Variants in PCDHGA11 observed in about 807,000 individuals in gnomAD.
PCDHGA11 encodes the protein protocadherin gamma-A11.
Under a neutral mutation model 60.4 loss-of-function variants are expected in PCDHGA11, and 39 were observed. The observed-to-expected ratio is 0.65, with a 90% confidence interval of 0.50 to 0.84. The LOEUF is 0.84. Among genes scored for constraint, PCDHGA11 ranks in the 40% least tolerant of loss-of-function variants. PCDHGA11 has a pLI of 0.00. For synonymous variants in PCDHGA11, 533 were observed against 510.3 expected, an observed-to-expected ratio of 1.04 and a Z score of -0.60; for missense variants, 1,165 against 1,197.7, an observed-to-expected ratio of 0.97 and a Z score of 0.40.
intron 1 of PCDHGA11, among the ~76,000 whole-genome samples, chr5:141,466,121 CA>C (rs908379481): frequency 4.8e-5 from 7 of 146,852 alleles, no homozygotes; most frequent in Non-Finnish European, 6.0e-5. Context: ...GACTCCAGCT[CA>C]AAAAAAAAAT....
At chr5:141,444,865 G>A (rs1038923777) in intron 1 of PCDHGA11, among the ~76,000 whole-genome samples, 1 of 152,098 alleles carries the variant, frequency 6.6e-6, no homozygotes, top group Non-Finnish European at 1.5e-5. Flanking sequence ...TCTTACTACA[G>A]GACAAAGCTT....
Position 141,510,974 on chromosome 5 carries a change from G to T in PCDHGA11, c.2609G>T (p.Gly870Val). The T allele has an allele frequency of 6.2e-7, 1 of 1,614,150 alleles. No homozygotes were observed. The highest frequency in any genetic ancestry group is 1.1e-5 in the South Asian group (1 of 91,088). ...SEAADGSSTL[G>V]GGAGTMGLSA... ...GCTGCTGATGGGAGCTCCACCCTGG[G>T]AGGGGGTGCCGGCACCATGGGATTG... is the stretch of plus-strand genomic sequence containing the variant. The change falls in exon 4 of 4, where the codon GGA becomes GTA. Residue 870 changes from glycine (G) to valine (V), a missense_variant. Physicochemically the swap from Gly to Val is moderately radical, Grantham distance 109. Transcript: ENST00000398587.
rs1562059777 is a variant in PCDHGA11, at chr5:141,477,098, G to C, written c.2434-17709G>C. 6.2e-7 allele frequency: 1 copy of C among 1,614,242 alleles called. No individual in the cohort carries two copies. Among genetic ancestry groups the C allele is most frequent in the Non-Finnish European group, 8.5e-7 (1 of 1,180,046 alleles). ...GATTTACATCCAGGCCAAAGACAAG[G>C]GCGCCAATCCCGAAGGAGCACATTG... On this transcript the variant is annotated intron_variant, in intron 1 of 3. Transcript: ENST00000398587. This position sits in a 1 kb window ranked among gnomAD's most constrained non-coding sequence, Gnocchi z 4.9.
In PCDHGA11 at chr5:141,486,421, G is replaced by C; in HGVS notation, c.2434-8386G>C. 1 of 1,614,152 alleles carries C rather than the reference G, an allele frequency of 6.2e-7. No individual in the cohort carries two copies. Among genetic ancestry groups the C allele is most frequent in the African/African-American group, 1.3e-5 (1 of 75,028 alleles). On this transcript the variant is annotated intron_variant, in intron 1 of 3. Coordinates refer to ENST00000398587, the MANE Select transcript of PCDHGA11 (RefSeq NM_018914.3). This position sits in a 1 kb window ranked among gnomAD's most constrained non-coding sequence, Gnocchi z 5.0. Reference sequence around the variant, plus strand: ...TGACTGCTGGACCCTTGGATCGAGAGGCCAAATCTAGCTATGACATCATGG... The same window carrying C: ...TGACTGCTGGACCCTTGGATCGAGACGCCAAATCTAGCTATGACATCATGG...
chr5:141,464,824 G>A (rs1329087889), intron 1 of PCDHGA11, among the ~76,000 whole-genome samples: 2 of 151,816 alleles, frequency 1.3e-5, no homozygotes, highest in African/African-American at 2.4e-5. Context: ...CTGTAGCCTC[G>A]CACTCCTGGG....
chr5:141,430,707 C>T, intron 1 of PCDHGA11: 2 of 1,478,562 alleles, frequency 1.4e-6, no homozygotes, highest in Non-Finnish European at 9.0e-7. Flanking sequence ...GGAACTGCTC[C>T]TGACTTCAGT....
rs771162532 is a variant in PCDHGA11, at chr5:141,491,756, C to A, written c.2434-3051C>A. On this transcript the variant is annotated intron_variant, in intron 1 of 3. Transcript: ENST00000398587. The surrounding 1 kb of genome is among the most constrained non-coding windows in gnomAD (Gnocchi z 6.9). ...CCTGGGGGCGGCACTGGAGAAGCCGCCCGTCCTCATAAGGGATTGAACTTG... is the reference window on the plus strand; with the variant it reads ...CCTGGGGGCGGCACTGGAGAAGCCGACCGTCCTCATAAGGGATTGAACTTG... The A allele has an allele frequency of 6.3e-7, 1 of 1,581,720 alleles. No individual in the cohort carries two copies. Among genetic ancestry groups the A allele is most frequent in the Middle Eastern group, 1.7e-4 (1 of 5,958 alleles).
chr5:141,476,727 G>A lies in PCDHGA11; in HGVS notation c.2434-18080G>A, dbSNP rs762236731. On this transcript the variant is annotated intron_variant, in intron 1 of 3. Coordinates refer to ENST00000398587, the MANE Select transcript of PCDHGA11 (RefSeq NM_018914.3). This position sits in a 1 kb window ranked among gnomAD's most constrained non-coding sequence, Gnocchi z 7.6. ...CTGGTGTTGGAGCGCGCCCTGGACC[G>A]AGAACGGGAGCCTAGTCTCCAGTTA... 5 of 1,614,108 alleles carry A rather than the reference G, an allele frequency of 3.1e-6. No individual in the cohort carries two copies. Among genetic ancestry groups the A allele is most frequent in the Non-Finnish European group, 4.2e-6 (5 of 1,180,032 alleles).
At position 141,430,860 on chromosome 5, in the gene PCDHGA11, C is replaced by G. The variant is rs773955533; in HGVS notation, c.2433+7200C>G. ...ACCGGATGCACCCAGATACGCTATTCAGTTCCGGAAGAGCTGGAGAAAGGC... is the reference window on the plus strand; with the variant it reads ...ACCGGATGCACCCAGATACGCTATTGAGTTCCGGAAGAGCTGGAGAAAGGC... On this transcript the variant is annotated intron_variant, in intron 1 of 3. Transcript: ENST00000398587. 4 of 1,592,382 alleles carry G rather than the reference C, an allele frequency of 2.5e-6. No individual in the cohort carries two copies. In the South Asian group the frequency reaches 4.6e-5, roughly 18 times the overall value.
intron 1 of PCDHGA11, chr5:141,428,630 C>T: frequency 5.4e-6 from 1 of 185,692 alleles, no homozygotes; most frequent in Non-Finnish European, 1.1e-5. Context: ...AGCTCTAACT[C>T]TGTTGCTCCT....
Position 141,422,796 on chromosome 5 carries a change from T to C in PCDHGA11, c.1569T>C (p.Tyr523=). Residue 523 remains tyrosine (Y), a synonymous_variant, in exon 1 of 4, where the codon TAT becomes TAC. Transcript: ENST00000398587. ...TCTATGCCCTACAATCCTTCGACTA[T>C]GAGCAGTTTCGAGACTTAGAACTGA... ...GVLYALQSFD[Y]EQFRDLELRV... is the part of the protein sequence containing the mutation. 6.2e-7 allele frequency: 1 copy of C among 1,614,234 alleles called. No individual in the cohort carries two copies. Among genetic ancestry groups the C allele is most frequent in the Middle Eastern group, 1.6e-4 (1 of 6,062 alleles).
intron 1 of PCDHGA11, chr5:141,426,414 G>A (rs2096934345): frequency 3.5e-6 from 1 of 287,986 alleles, no homozygotes; most frequent in Admixed American, 4.4e-5. Context: ...AAACGGTCCA[G>A]GGCTCCGTGG....
chr5:141,427,776 G>A (rs3828681), intron 1 of PCDHGA11: 73,622 of 1,424,156 alleles, frequency 0.052, 2,339 homozygotes, highest in African/African-American at 0.13. Flanking sequence ...GGAGCTGCGG[G>A]CACTGTCGTC....
At position 141,476,418 on chromosome 5, in the gene PCDHGA11, T is replaced by G. The variant is rs201255025; in HGVS notation, c.2434-18389T>G. ...GATCGAGAGGAGCTGTGTGGGACAC[T>G]GCCCTCTTGCACTGTAACTCTGGAG... On this transcript the variant is annotated intron_variant, in intron 1 of 3. Transcript: ENST00000398587. This position sits in a 1 kb window ranked among gnomAD's most constrained non-coding sequence, Gnocchi z 7.6. 8 of 1,614,122 alleles carry G rather than the reference T, an allele frequency of 5.0e-6. No homozygotes were observed. The highest frequency in any genetic ancestry group is 1.6e-4 in the Middle Eastern group (1 of 6,062).
Position 141,448,073 on chromosome 5 carries a change from C to T in PCDHGA11, c.2433+24413C>T, listed in dbSNP as rs1025112556. ...TGCTCTCCAGCCTGGGCAACATGAA[C>T]GAAATGCCATCTTAAAAAAAAAAAA... On this transcript the variant is annotated intron_variant, in intron 1 of 3. Coordinates refer to ENST00000398587, the MANE Select transcript of PCDHGA11 (RefSeq NM_018914.3). 3.3e-5 allele frequency among the ~76,000 whole-genome samples: 5 copies of T among 151,432 alleles called. No individual in the cohort carries two copies. In the East Asian group the frequency reaches 5.8e-4, roughly 18 times the overall value.
chr5:141,428,310 G>A (rs2097132610), intron 1 of PCDHGA11: 1 of 671,630 alleles, frequency 1.5e-6, no homozygotes, highest in Admixed American at 2.2e-5. Context: ...ACCTGGTCGT[G>A]GCCTTGGCCT....
rs1327610213 is a variant in PCDHGA11 at position 141,423,493 on chromosome 5, C to T, written c.2266C>T (p.His756Tyr). 5 of 1,613,984 alleles carry T rather than the reference C, an allele frequency of 3.1e-6. No homozygotes were observed. In the South Asian group the frequency reaches 5.5e-5, roughly 18 times the overall value. The change falls in exon 1 of 4, where the codon CAC becomes TAC. Residue 756 changes from histidine (H) to tyrosine (Y), a missense_variant. Coordinates refer to ENST00000398587, the MANE Select transcript of PCDHGA11 (RefSeq NM_018914.3). The stretch of plus-strand genomic sequence containing the variant: ...ACAGGCTTTCCTGCAAACCTATTCC[C>T]ACGAGGTCTCTCTCATTGCGGACTC... ...GVQAFLQTYSHEVSLIADSQK... is the reference protein window; with the variant it reads ...GVQAFLQTYSYEVSLIADSQK...
At chr5:141,455,292 G>A (rs2098818902) in intron 1 of PCDHGA11, among the ~76,000 whole-genome samples, 1 of 152,068 alleles carries the variant, frequency 6.6e-6, no homozygotes, top group East Asian at 1.9e-4. Context: ...ACTTTACATA[G>A]TTTCATCTTG....
intron 1 of PCDHGA11, chr5:141,478,367 C>T (rs2099451272): frequency 1.2e-6 from 2 of 1,613,750 alleles, no homozygotes; most frequent in South Asian, 2.2e-5. Context: ...GCGGGGAGGC[C>T]TGATGTCGCC....
Sources: allele counts gnomAD v4.1 joint callset (sites outside exome capture counted in the v4.1 genomes callset), GRCh38; gene constraint gnomAD v4.1.1; non-coding constraint Gnocchi (gnomAD v3.1); transcripts MANE v1.5; gene names NCBI Gene and HGNC (gene_info 2026-07-23, HGNC 2026-07-21).